Variants in SPTBN1 observed in about 807,000 individuals in gnomAD.
SPTBN1 encodes spectrin beta chain, non-erythrocytic 1.
SPTBN1 carries 32 observed loss-of-function variants against 266.4 expected under a neutral mutation model. That is an observed-to-expected ratio of 0.12 (90% CI 0.09 to 0.16). The LOEUF (loss-of-function observed/expected upper bound fraction) is 0.16, where lower values mean the gene tolerates loss of function less well. Among genes scored for constraint, SPTBN1 ranks in the 10% least tolerant of loss-of-function variants. The pLI is 1.00. For missense variants in SPTBN1, 2,296 were observed against 3,067.1 expected, an observed-to-expected ratio of 0.75 and a Z score of 5.94; for synonymous variants, 1,336 against 1,162.2, an observed-to-expected ratio of 1.15 and a Z score of -3.04.
chr2:54,507,446 A>G (rs1669634263), intron 1 of SPTBN1, among the ~76,000 whole-genome samples: 1 of 152,168 alleles, frequency 6.6e-6, no homozygotes, highest in Non-Finnish European at 1.5e-5. Flanking sequence ...CTAGTGTGGG[A>G]GAGATGAAGC....
intron 1 of SPTBN1, among the ~76,000 whole-genome samples, chr2:54,488,732 G>A (rs766956295): frequency 4.6e-5 from 7 of 151,838 alleles, no homozygotes; most frequent in African/African-American, 7.3e-5. Context: ...AACTCCAGAT[G>A]GTACATTTTG....
intron 3 of SPTBN1, among the ~76,000 whole-genome samples, chr2:54,609,357 T>C (rs922541411): frequency 1.3e-4 from 20 of 152,230 alleles, no homozygotes; most frequent in Admixed American, 1.2e-3. Context: ...ACAACCTCTT[T>C]CATAATTTCC....
intron 1 of SPTBN1, among the ~76,000 whole-genome samples, chr2:54,497,628 G>A (rs1669037790): frequency 6.6e-6 from 1 of 152,024 alleles, no homozygotes. Flanking sequence ...ACTTTTTTGG[G>A]AATTGCAGAA....
chr2:54,504,628 G>A (rs1669455975), intron 1 of SPTBN1, among the ~76,000 whole-genome samples: 1 of 152,170 alleles, frequency 6.6e-6, no homozygotes, highest in African/African-American at 2.4e-5. Flanking sequence ...GAGGATGTGT[G>A]TCGGTTTTAT....
At chr2:54,665,805 T>A (rs1681329745) in intron 33 of SPTBN1, 110 bp from the exon 34 acceptor site, 1 of 1,297,296 alleles carries the variant, frequency 7.7e-7, no homozygotes, top group South Asian at 1.5e-5. Context: ...TTGGGTGGGG[T>A]CACACTGTGT....
rs1680791792 is a variant in SPTBN1 at position 54,658,060 on chromosome 2, G to A, written c.6243+14G>A. ...AGGCTGACTACAGTAAGTGGCCGCTGGGCCCTTTGTCTGTTGGTGCCCTGG... is the reference window on the plus strand; with the variant it reads ...AGGCTGACTACAGTAAGTGGCCGCTAGGCCCTTTGTCTGTTGGTGCCCTGG... On this transcript the variant is annotated intron_variant, in intron 30 of 35. Transcript: ENST00000356805. 6 of 1,614,064 alleles carry A rather than the reference G, an allele frequency of 3.7e-6. No individual in the cohort carries two copies. The highest frequency in any genetic ancestry group is 5.1e-6 in the Non-Finnish European group (6 of 1,179,972).
rs1445404689 is a variant in SPTBN1, at chr2:54,629,019, G to A, written c.1885G>A (p.Glu629Lys). 2.5e-6 allele frequency: 4 copies of A among 1,613,662 alleles called. No homozygotes were observed. The highest frequency in any genetic ancestry group is 1.1e-5 in the South Asian group (1 of 91,086). Reference protein sequence around the residue: ...CYQELCQLAAERRARLEESRR... With the variant: ...CYQELCQLAAKRRARLEESRR... ...TCAAGAGCTTTGCCAGCTGGCGGCTGAGCGCAGGGCCCGTCTGGAAGAGTC... is the reference window on the plus strand; with the variant it reads ...TCAAGAGCTTTGCCAGCTGGCGGCTAAGCGCAGGGCCCGTCTGGAAGAGTC... The change falls in exon 14 of 36, where the codon GAG (glutamate) becomes AAG (lysine). Residue 629 changes from glutamate (E) to lysine (K), a missense_variant. Physicochemically the swap from Glu to Lys is moderately conservative, Grantham distance 56. This residue lies in a region of SPTBN1 where 434 missense variants were observed against 573.9 expected (regional missense o/e 0.76). Transcript: ENST00000356805.
chr2:54,520,543 T>C (rs913720964), intron 1 of SPTBN1: 5 of 152,312 alleles, frequency 3.3e-5, no homozygotes, highest in African/African-American at 7.2e-5. Context: ...GTGCATCTTA[T>C]GGAAAATTCC....
intron 2 of SPTBN1, among the ~76,000 whole-genome samples, chr2:54,532,296 A>G (rs547588003): frequency 2.0e-5 from 3 of 152,326 alleles, no homozygotes; most frequent in South Asian, 2.1e-4. Flanking sequence ...CTCAAAAATA[A>G]TAATAGTTAG....
Position 54,645,584 on chromosome 2 carries a change from C to T in SPTBN1, c.4494+131C>T, listed in dbSNP as rs529074507. 22 of 898,064 alleles carry T rather than the reference C, an allele frequency of 2.4e-5. No individual in the cohort carries two copies. In the East Asian group the frequency reaches 5.6e-4, roughly 23 times the overall value. The allele number at this position is 898,064 out of a possible 1,614,324, so 55.6% of individuals were successfully genotyped here. A position where few individuals can be genotyped will look rare whatever the true frequency, so the allele number is the denominator to read the frequency against. ...AAGCTGAGCTGCCAAAGTCCACGCTCTGGATGGTCTAAAGTTTCTTTCCCT... is the reference window on the plus strand; with the variant it reads ...AAGCTGAGCTGCCAAAGTCCACGCTTTGGATGGTCTAAAGTTTCTTTCCCT... On this transcript the variant is annotated intron_variant, in intron 21 of 35. Coordinates refer to ENST00000356805, the MANE Select transcript of SPTBN1 (RefSeq NM_003128.3). This position sits in a 1 kb window ranked among gnomAD's most constrained non-coding sequence, Gnocchi z 4.3.
chr2:54,492,069 A>C (rs1668713324), intron 1 of SPTBN1, among the ~76,000 whole-genome samples: 1 of 152,180 alleles, frequency 6.6e-6, no homozygotes, highest in East Asian at 1.9e-4. Flanking sequence ...TATTTTTAGG[A>C]TATACCATAA....
intron 1 of SPTBN1, among the ~76,000 whole-genome samples, chr2:54,523,897 G>C (rs1670637493): frequency 6.6e-6 from 1 of 152,156 alleles, no homozygotes; most frequent in South Asian, 2.1e-4. Context: ...ATAAATTTTT[G>C]AGTTTTAAGA....
At chr2:54,658,903 A>C (rs368239605) in intron 30 of SPTBN1, among the ~76,000 whole-genome samples, 1 of 152,176 alleles carries the variant, frequency 6.6e-6, no homozygotes, top group Non-Finnish European at 1.5e-5. Context: ...ATTAAACCCA[A>C]GCTCCCAGGG....
intron 1 of SPTBN1, among the ~76,000 whole-genome samples, chr2:54,496,661 A>G (rs1007050513): frequency 4.6e-5 from 7 of 152,222 alleles, no homozygotes; most frequent in Non-Finnish European, 8.8e-5. Context: ...AACTTATATG[A>G]AAACATATCC....
intron 24 of SPTBN1, 59 bp downstream of exon 24, chr2:54,647,320 T>C: frequency 1.9e-6 from 3 of 1,580,432 alleles, no homozygotes; most frequent in African/African-American, 1.3e-5. Context: ...TTAGGGTCTC[T>C]TGCTAACCCC....
In SPTBN1 at chr2:54,645,818, G is replaced by T. The variant is rs1050684664; in HGVS notation, c.4495-110G>T. On this transcript the variant is annotated intron_variant, in intron 21 of 35. Coordinates refer to ENST00000356805, the MANE Select transcript of SPTBN1 (RefSeq NM_003128.3). The surrounding 1 kb of genome is among the most constrained non-coding windows in gnomAD (Gnocchi z 4.3). Reference sequence around the variant, plus strand: ...CAGACAGCCCTCCCGAGGGGGCTGAGCACTCTCTGAAGCTCACCCTTGCTG... The same window carrying T: ...CAGACAGCCCTCCCGAGGGGGCTGATCACTCTCTGAAGCTCACCCTTGCTG... 7.8e-5 allele frequency: 94 copies of T among 1,207,248 alleles called. No individual in the cohort carries two copies. Among genetic ancestry groups the T allele is most frequent in the Non-Finnish European group, 1.0e-4 (84 of 837,156 alleles). The allele number at this position is 1,207,248 out of a possible 1,614,324, so 74.8% of individuals were successfully genotyped here.
intron 1 of SPTBN1, among the ~76,000 whole-genome samples, chr2:54,518,064 T>G (rs1670214470): frequency 6.6e-6 from 1 of 152,132 alleles, no homozygotes; most frequent in Non-Finnish European, 1.5e-5. Flanking sequence ...TTTCTTGTGT[T>G]GTTAATTATC....
At position 54,646,510 on chromosome 2, in the gene SPTBN1, G is replaced by A. The variant is rs1388906740; in HGVS notation, c.4866+35G>A. The stretch of plus-strand genomic sequence containing the variant: ...GGCGGGAAGCATCCCTGTCCCAGGA[G>A]AGCCTCAGATTCAAACCCTGGGCAC... On this transcript the variant is annotated intron_variant, in intron 23 of 35. Coordinates refer to ENST00000356805, the MANE Select transcript of SPTBN1 (RefSeq NM_003128.3). This position sits in a 1 kb window ranked among gnomAD's most constrained non-coding sequence, Gnocchi z 4.4. The A allele has an allele frequency of 6.8e-7, 1 of 1,462,430 alleles. No individual in the cohort carries two copies. The highest frequency in any genetic ancestry group is 9.0e-7 in the Non-Finnish European group (1 of 1,107,392). The allele number at this position is 1,462,430 out of a possible 1,614,324, so 90.6% of individuals were successfully genotyped here.
rs781265305 is a variant in SPTBN1 at position 54,558,874 on chromosome 2, C to G, written c.148+32308C>G. The G allele has an allele frequency of 1.2e-6, 2 of 1,613,466 alleles. No individual in the cohort carries two copies. The highest frequency in any genetic ancestry group is 1.3e-5 in the African/African-American group (1 of 74,896). On this transcript the variant is annotated intron_variant, in intron 2 of 35. Coordinates refer to ENST00000356805, the MANE Select transcript of SPTBN1 (RefSeq NM_003128.3). The surrounding 1 kb of genome is among the most constrained non-coding windows in gnomAD (Gnocchi z 4.6). ...ACTACAACCAGCTGGAAGGCAGATT[C>G]AAGCAGCTGCAAGGTAAGCCCCCTC...
Sources: gnomAD v4.1 joint callset for allele counts (sites outside exome capture counted in the v4.1 genomes callset) on GRCh38, gnomAD v4.1.1 for gene constraint, gnomAD v4.1.1 regional missense constraint, Gnocchi (gnomAD v3.1) non-coding constraint, MANE v1.5 for transcripts, NCBI Gene and HGNC (gene_info 2026-07-23, HGNC 2026-07-21) for gene names.